PLEK: variants seen among roughly 807,000 people sequenced by gnomAD.
The protein encoded by PLEK is platelet 47 kDa protein.
A neutral mutation model predicts 43.9 loss-of-function variants in PLEK; 25 were observed. That is an observed-to-expected ratio of 0.57 (90% CI 0.41 to 0.79). The LOEUF (loss-of-function observed/expected upper bound fraction) is 0.79, where lower values mean the gene tolerates loss of function less well. PLEK is among the 30% of genes least tolerant of loss of function. PLEK has a pLI of 0.00. For synonymous variants in PLEK, 152 were observed against 144.4 expected, an observed-to-expected ratio of 1.05 and a Z score of -0.38; for missense variants, 396 against 413.3, an observed-to-expected ratio of 0.96 and a Z score of 0.36.
chr2:68,382,870 G>A (rs1355104881), intron 4 of PLEK, among the ~76,000 whole-genome samples: 1 of 152,118 alleles, frequency 6.6e-6, no homozygotes, highest in African/African-American at 2.4e-5. Context: ...TCAAGCTAAC[G>A]TTCCAATCAA....
At chr2:68,370,309 C>T (rs1478848149) in intron 1 of PLEK, among the ~76,000 whole-genome samples, 1 of 152,094 alleles carries the variant, frequency 6.6e-6, no homozygotes, top group African/African-American at 2.4e-5. Flanking sequence ...ATCCGATTGC[C>T]CCAACCCTCA....
rs201655958 is a variant in PLEK, at chr2:68,382,884, A to AT, written c.472+259dup. On this transcript the variant is annotated intron_variant, in intron 4 of 8. Transcript: ENST00000234313. ...TTCAAGCTAACGTTCCAATCAAAGG[A>AT]TTTTTTTTCTCAATAAATGGCATTA... Among the ~76,000 whole-genome samples, 1,000 of 152,164 alleles carry AT rather than the reference A, an allele frequency of 6.6e-3. 11 individuals are homozygous for AT. Among genetic ancestry groups the AT allele is most frequent in the African/African-American group, 0.023 (944 of 41,502 alleles).
intron 5 of PLEK, among the ~76,000 whole-genome samples, chr2:68,387,289 A>T (rs912382533): frequency 1.3e-5 from 2 of 152,178 alleles, no homozygotes; most frequent in Non-Finnish European, 2.9e-5. Context: ...TATTCTAAGC[A>T]ATAATTCATT....
In PLEK at chr2:68,380,844, A is replaced by G. The variant is rs769844334; in HGVS notation, c.320A>G (p.Gln107Arg). The change falls in exon 3 of 9, where the codon CAG becomes CGG. Residue 107 changes from glutamine (Q) to arginine (R), a missense_variant. Transcript: ENST00000234313. ...GCCATTAAATGCATTGAAGGAGGCC[A>G]GAAATTTGCCAGGAAATCTACCAGG... ...KKAIKCIEGG[Q>R]KFARKSTRRS... 5 of 1,613,956 alleles carry G rather than the reference A, an allele frequency of 3.1e-6. No individual in the cohort carries two copies. The African/African-American group carries it at 6.7e-5, about 22-fold the overall frequency.
chr2:68,380,488 G>T lies in PLEK; in HGVS notation c.198+5G>T. The T allele has an allele frequency of 5.0e-6, 8 of 1,612,986 alleles. No homozygotes were observed. The highest frequency in any genetic ancestry group is 6.8e-6 in the Non-Finnish European group (8 of 1,179,310). On this transcript the variant is annotated splice_donor_5th_base_variant and intron_variant, in intron 2 of 8. Coordinates refer to ENST00000234313, the MANE Select transcript of PLEK (RefSeq NM_002664.3). ...CAAGACTTTGGCAAAAGGATGGTAA[G>T]TTGACATCATGAGCTGCCGTGAACC...
intron 1 of PLEK, among the ~76,000 whole-genome samples, chr2:68,372,265 T>C (rs1478005630): frequency 6.6e-6 from 1 of 151,432 alleles, no homozygotes; most frequent in Non-Finnish European, 1.5e-5. Context: ...TCTCCACCTC[T>C]TGGGTTCAAG....
At position 68,368,595 on chromosome 2, in the gene PLEK, C is replaced by T. The variant is rs190833485; in HGVS notation, c.42+3202C>T. 4.5e-4 allele frequency among the ~76,000 whole-genome samples: 69 copies of T among 152,370 alleles called. 1 individual carries two copies. Among genetic ancestry groups the T allele is most frequent in the African/African-American group, 1.2e-3 (48 of 41,588 alleles). On this transcript the variant is annotated intron_variant, in intron 1 of 8. Transcript: ENST00000234313. ...TGTGGGCAAGATTAAGTTTAAAAAC[C>T]TCAGCCTCCTTTCCTCTCTGTTTAG...
At chr2:68,387,001 CTTA>C (rs1558500122) in intron 5 of PLEK, among the ~76,000 whole-genome samples, 1 of 152,054 alleles carries the variant, frequency 6.6e-6, no homozygotes, top group African/African-American at 2.4e-5. Flanking sequence ...TTCCTATTTA[CTTA>C]TTATTATTTT....
At chr2:68,388,994 AG>A (rs1673807173) in intron 6 of PLEK, among the ~76,000 whole-genome samples, 1 of 152,214 alleles carries the variant, frequency 6.6e-6, no homozygotes, top group Non-Finnish European at 1.5e-5. Flanking sequence ...GCCAGTTCAC[AG>A]GAACAGCAGG....
Position 68,395,790 on chromosome 2 carries a change from C to A in PLEK, c.1027C>A (p.Gln343Lys). The A allele has an allele frequency of 1.2e-6, 2 of 1,613,708 alleles. No homozygotes were observed. The highest frequency in any genetic ancestry group is 2.2e-5 in the South Asian group (2 of 91,082). ...KERTEWIRAI[Q>K]MASRTGK ...GCGCACAGAGTGGATCAGAGCCATC[C>A]AGATGGCCTCCCGAACTGGGAAGTA... The change falls in exon 9 of 9, where the codon CAG (glutamine) becomes AAG (lysine). Residue 343 changes from glutamine to lysine, a missense_variant. Transcript: ENST00000234313.
At position 68,387,187 on chromosome 2, in the gene PLEK, G is replaced by A. The variant is rs979771564; in HGVS notation, c.657+501G>A. ...CACTCAGCTAATTTTCGTATTTTTA[G>A]TAAAGACAGCGTTTCACCATGTTGG... On this transcript the variant is annotated intron_variant, in intron 5 of 8. Transcript: ENST00000234313. Among the ~76,000 whole-genome samples, 45 of 152,150 alleles carry A rather than the reference G, an allele frequency of 3.0e-4. 1 individual carries two copies. The highest frequency in any genetic ancestry group is 1.0e-3 in the African/African-American group (43 of 41,506).
chr2:68,391,438 G>C (rs967831570), intron 6 of PLEK, among the ~76,000 whole-genome samples: 2 of 152,226 alleles, frequency 1.3e-5, no homozygotes, highest in South Asian at 4.1e-4. Flanking sequence ...TTAAGGCAAA[G>C]AGCAGCAATG....
At chr2:68,384,316 G>A (rs370186062) in intron 4 of PLEK, among the ~76,000 whole-genome samples, 19 of 152,094 alleles carry the variant, frequency 1.2e-4, no homozygotes, top group East Asian at 1.2e-3. Flanking sequence ...TCTGCCGCCC[G>A]GGTTCAAGCG....
intron 1 of PLEK, among the ~76,000 whole-genome samples, chr2:68,374,781 G>A (rs1173273882): frequency 6.6e-6 from 1 of 152,118 alleles, no homozygotes; most frequent in Non-Finnish European, 1.5e-5. Context: ...TTGCCTGTTT[G>A]CTTTTCACTC....
At chr2:68,391,342 T>TA (rs1573081447) in intron 6 of PLEK, among the ~76,000 whole-genome samples, 1 of 152,186 alleles carries the variant, frequency 6.6e-6, no homozygotes, top group African/African-American at 2.4e-5. Context: ...AATTGCATAA[T>TA]ACAGCATGAC....
At chr2:68,368,864 T>C (rs1287911008) in intron 1 of PLEK, among the ~76,000 whole-genome samples, 1 of 152,008 alleles carries the variant, frequency 6.6e-6, no homozygotes, top group Non-Finnish European at 1.5e-5. Context: ...ACTCAGAAAG[T>C]GGCTGAGGGA....
intron 1 of PLEK, among the ~76,000 whole-genome samples, chr2:68,378,088 T>G (rs1231388364): frequency 2.6e-5 from 4 of 152,246 alleles, no homozygotes; most frequent in African/African-American, 9.6e-5. Flanking sequence ...ATAATGTATA[T>G]GTACATTATT....
Position 68,382,593 on chromosome 2 carries a change from T to A in PLEK, c.432T>A (p.Asn144Lys). ...CTGAAAAAGGAATAAAAGAACTGAA[T>A]CTAGAGAAGGACAAGAAGATTTTTA... ...KDTEKGIKEL[N>K]LEKDKKIFNH... Residue 144 changes from asparagine to lysine, a missense_variant, in exon 4 of 9, where the codon AAT (asparagine) becomes AAA (lysine). Transcript: ENST00000234313. 1.2e-6 allele frequency: 2 copies of A among 1,605,782 alleles called. No individual in the cohort carries two copies. Among genetic ancestry groups the A allele is most frequent in the Non-Finnish European group, 8.5e-7 (1 of 1,172,446 alleles).
chr2:68,388,685 A>C (rs1195559689), intron 6 of PLEK, among the ~76,000 whole-genome samples, 194 bp downstream of exon 6: 1 of 152,194 alleles, frequency 6.6e-6, no homozygotes, highest in Non-Finnish European at 1.5e-5. Context: ...TTGACAGGGC[A>C]GAAGATGTCC....
Sources: allele counts gnomAD v4.1 joint callset (sites outside exome capture counted in the v4.1 genomes callset), GRCh38; gene constraint gnomAD v4.1.1; transcripts MANE v1.5; gene names NCBI Gene and HGNC (gene_info 2026-07-23, HGNC 2026-07-21).